CNTN5: variants seen among roughly 807,000 people sequenced by gnomAD.
CNTN5 encodes contactin-5.
In CNTN5, 77 loss-of-function variants were observed where a neutral mutation model predicts 129.1. That is an observed-to-expected ratio of 0.60 (90% CI 0.50 to 0.72). The LOEUF (loss-of-function observed/expected upper bound fraction) is 0.72, where lower values mean the gene tolerates loss of function less well. CNTN5 is among the 30% of genes least tolerant of loss of function. The pLI, the probability that CNTN5 is intolerant of heterozygous loss-of-function variation, is 0.00. For missense variants in CNTN5, 1,478 were observed against 1,328.8 expected, an observed-to-expected ratio of 1.11 and a Z score of -1.75; for synonymous variants, 509 against 465.6, an observed-to-expected ratio of 1.09 and a Z score of -1.20.
chr11:99,086,251 A>G (rs2186836), intron 1 of CNTN5, among the ~76,000 whole-genome samples: 80,315 of 152,078 alleles, frequency 0.53, 21,742 homozygotes, highest in African/African-American at 0.64. Context: ...GTGCCATTCC[A>G]TCTCACACAC....
At chr11:99,212,158 G>A (rs1859835045) in intron 1 of CNTN5, among the ~76,000 whole-genome samples, 1 of 152,108 alleles carries the variant, frequency 6.6e-6, no homozygotes, top group African/African-American at 2.4e-5. Flanking sequence ...GCCAGGGCTG[G>A]GATATAAGTT....
At chr11:100,304,174 G>C (rs1016022573) in intron 20 of CNTN5, among the ~76,000 whole-genome samples, 1 of 151,432 alleles carries the variant, frequency 6.6e-6, no homozygotes, top group Non-Finnish European at 1.5e-5. Flanking sequence ...AGAAACAAAC[G>C]TATCAATCAA....
intron 7 of CNTN5, among the ~76,000 whole-genome samples, chr11:99,945,610 C>A (rs1037155950): frequency 6.6e-6 from 1 of 151,568 alleles, no homozygotes; most frequent in Admixed American, 6.6e-5. Flanking sequence ...AAATTTCCCA[C>A]AAAATCCTAC....
At position 99,300,334 on chromosome 11, in the gene CNTN5, G is replaced by T. The variant is rs192371479; in HGVS notation, c.-209-25012G>T. ...GTTGATAATTTTTATCATGAGAGATGCTGTATTTTATCTAATGCTTTTTTT... is the reference window on the plus strand; with the variant it reads ...GTTGATAATTTTTATCATGAGAGATTCTGTATTTTATCTAATGCTTTTTTT... On this transcript the variant is annotated intron_variant, in intron 1 of 24. Transcript: ENST00000524871. Among the ~76,000 whole-genome samples the T allele has an allele frequency of 7.9e-5, 12 of 152,136 alleles. No individual in the cohort carries two copies. The East Asian group carries it at 2.3e-3, about 29-fold the overall frequency.
intron 21 of CNTN5, among the ~76,000 whole-genome samples, chr11:100,331,018 C>T (rs1565433050): frequency 6.6e-6 from 1 of 152,086 alleles, no homozygotes; most frequent in Non-Finnish European, 1.5e-5. Flanking sequence ...CTAAATGCTC[C>T]ACCTAAAATA....
chr11:99,745,333 T>A (rs777995649), intron 3 of CNTN5, among the ~76,000 whole-genome samples: 5 of 152,164 alleles, frequency 3.3e-5, no homozygotes, highest in Non-Finnish European at 7.4e-5. Flanking sequence ...CCCAGAAATA[T>A]CAGTAAACAT....
chr11:99,755,720 T>C (rs886970294), intron 3 of CNTN5, among the ~76,000 whole-genome samples: 1 of 152,116 alleles, frequency 6.6e-6, no homozygotes, highest in Non-Finnish European at 1.5e-5. Flanking sequence ...GTTATGGTTG[T>C]GTTATAGTAT....
At chr11:99,538,572 C>T (rs556938716) in intron 2 of CNTN5, among the ~76,000 whole-genome samples, 54 of 152,216 alleles carry the variant, frequency 3.5e-4, no homozygotes, top group Non-Finnish European at 7.1e-4. Context: ...CTATAATCCT[C>T]GTCAATTTGT....
chr11:99,320,996 C>T (rs1402040862), intron 1 of CNTN5, among the ~76,000 whole-genome samples: 1 of 152,126 alleles, frequency 6.6e-6, no homozygotes, highest in East Asian at 1.9e-4. Flanking sequence ...ATGTCTTCTG[C>T]CTGCCAGCTT....
At chr11:100,222,714 C>G (rs1029179950) in intron 15 of CNTN5, among the ~76,000 whole-genome samples, 3 of 151,840 alleles carry the variant, frequency 2.0e-5, no homozygotes, top group African/African-American at 4.8e-5. Flanking sequence ...TCAGACAGTG[C>G]TATTTCCAGG....
intron 2 of CNTN5, among the ~76,000 whole-genome samples, chr11:99,389,650 A>G (rs12225385): frequency 0.25 from 37,295 of 152,126 alleles, 5,368 homozygotes; most frequent in Middle Eastern, 0.35. Context: ...ATAAAACTGT[A>G]TTTTAAATCA....
chr11:99,325,817 C>G (rs555281675), intron 2 of CNTN5, among the ~76,000 whole-genome samples: 12 of 152,284 alleles, frequency 7.9e-5, no homozygotes, highest in African/African-American at 2.9e-4. Flanking sequence ...AAACAGTACT[C>G]AGATATAGCC....
intron 6 of CNTN5, among the ~76,000 whole-genome samples, chr11:99,853,675 C>G (rs114853585): frequency 6.6e-6 from 1 of 151,980 alleles, no homozygotes; most frequent in African/African-American, 2.4e-5. Flanking sequence ...CCACTGCACC[C>G]GGCTTTATAT....
intron 2 of CNTN5, among the ~76,000 whole-genome samples, chr11:99,512,162 CA>C (rs1315715739): frequency 1.3e-5 from 2 of 152,108 alleles, no homozygotes; most frequent in African/African-American, 4.8e-5. Flanking sequence ...CGCCTCCATT[CA>C]AAGTAAGAGC....
intron 6 of CNTN5, among the ~76,000 whole-genome samples, chr11:99,855,480 G>A (rs990172055): frequency 6.6e-6 from 1 of 152,060 alleles, no homozygotes; most frequent in African/African-American, 2.4e-5. Context: ...AAAGTACTAG[G>A]TATCATAATG....
At chr11:99,819,316 TCCCCTCCCCTCCC>T (rs1946700785) in intron 3 of CNTN5, among the ~76,000 whole-genome samples, 3 of 42,094 alleles carry the variant, frequency 7.1e-5, no homozygotes, top group Non-Finnish European at 4.8e-5. Flanking sequence ...TCCCCTCTCC[TCCCCTCCCCTCCC>T]CTCCCCTCCT....
At chr11:99,841,020 C>T (rs1339330653) in intron 4 of CNTN5, among the ~76,000 whole-genome samples, 1 of 152,082 alleles carries the variant, frequency 6.6e-6, no homozygotes, top group Non-Finnish European at 1.5e-5. Flanking sequence ...TTTCTTTTCC[C>T]CCCCTTAACA....
chr11:99,997,538 A>C (rs1299694150), intron 8 of CNTN5, among the ~76,000 whole-genome samples: 1 of 152,262 alleles, frequency 6.6e-6, no homozygotes, highest in African/African-American at 2.4e-5. Flanking sequence ...AAAAGAGCCC[A>C]GGACGAGATG....
intron 3 of CNTN5, among the ~76,000 whole-genome samples, chr11:99,566,941 A>G (rs1467651724): frequency 6.6e-6 from 1 of 152,240 alleles, no homozygotes; most frequent in Non-Finnish European, 1.5e-5. Flanking sequence ...TATTTCTAGC[A>G]AAAGTTGTAG....
Sources: gnomAD v4.1 joint callset for allele counts (sites outside exome capture counted in the v4.1 genomes callset) on GRCh38, gnomAD v4.1.1 for gene constraint, MANE v1.5 for transcripts, NCBI Gene and HGNC (gene_info 2026-07-23, HGNC 2026-07-21) for gene names.